Variants in ATP13A5 observed in about 807,000 individuals in gnomAD.
ATP13A5 encodes the protein probable cation-transporting ATPase 13A5.
A neutral mutation model predicts 150.2 loss-of-function variants in ATP13A5; 149 were observed. That is an observed-to-expected ratio of 0.99 (90% CI 0.87 to 1.14). ATP13A5 has a LOEUF of 1.14. ATP13A5 is among the 50% of genes most tolerant of loss of function. The pLI, the probability that ATP13A5 is intolerant of heterozygous loss-of-function variation, is 0.00. For synonymous variants in ATP13A5, 497 were observed against 522.2 expected (o/e 0.95, Z 0.66); for missense variants, 1,383 against 1,449.3 (o/e 0.95, Z 0.74).
chr3:193,314,612 C>T (rs1424421825), intron 18 of ATP13A5, among the ~76,000 whole-genome samples: 2 of 152,060 alleles, frequency 1.3e-5, no homozygotes, highest in African/African-American at 2.4e-5. Flanking sequence ...CATGCCTGGC[C>T]CTACTGCCCT....
chr3:193,305,075 A>G (rs1462491944), intron 23 of ATP13A5, among the ~76,000 whole-genome samples: 1 of 152,204 alleles, frequency 6.6e-6, no homozygotes, highest in Non-Finnish European at 1.5e-5. Flanking sequence ...CACAAAGCCA[A>G]ACCATATCAC....
chr3:193,312,285 C>T (rs1390008461), intron 19 of ATP13A5, among the ~76,000 whole-genome samples: 1 of 152,214 alleles, frequency 6.6e-6, no homozygotes, highest in Non-Finnish European at 1.5e-5. Flanking sequence ...TTCTCCTCCT[C>T]ATGCAACCTT....
chr3:193,276,136 A>G (rs952432421), intron 29 of ATP13A5, among the ~76,000 whole-genome samples: 3 of 152,174 alleles, frequency 2.0e-5, no homozygotes, highest in Non-Finnish European at 4.4e-5. Context: ...TGAGGTGTAT[A>G]TATATTTTAA....
At chr3:193,323,456 G>A (rs1476957062) in intron 14 of ATP13A5, 1 of 152,176 alleles carries the variant, frequency 6.6e-6, no homozygotes, top group East Asian at 1.9e-4. Context: ...ATTCTTAACA[G>A]ATGGTTCTTA....
At chr3:193,325,533 G>A (rs1464695931) in intron 13 of ATP13A5, among the ~76,000 whole-genome samples, 2 of 152,182 alleles carry the variant, frequency 1.3e-5, no homozygotes, top group East Asian at 1.9e-4. Flanking sequence ...TTGTGGGAAG[G>A]CACTGAACAG....
intron 21 of ATP13A5, among the ~76,000 whole-genome samples, chr3:193,309,710 G>C (rs1044614522): frequency 1.3e-5 from 2 of 152,122 alleles, no homozygotes; most frequent in African/African-American, 4.8e-5. Context: ...AATGGCCCCT[G>C]TCACAAGGAA....
In ATP13A5 at chr3:193,283,234, G is replaced by A. The variant is rs1381736474; in HGVS notation, c.3226+1680C>T. Among the ~76,000 whole-genome samples, 4 of 152,076 alleles carry A rather than the reference G, an allele frequency of 2.6e-5. No homozygotes were observed. The South Asian group carries it at 6.2e-4, about 24-fold the overall frequency. ...ACCGGTTGACTAGTTGGAGCAACTT[G>A]TTTTAATCCCTACCTCAAACTATAC... On this transcript the variant is annotated intron_variant, in intron 27 of 29. Coordinates refer to ENST00000342358, the MANE Select transcript of ATP13A5 (RefSeq NM_198505.4).
At chr3:193,351,760 G>A (rs1712571531) in intron 6 of ATP13A5, among the ~76,000 whole-genome samples, 1 of 152,162 alleles carries the variant, frequency 6.6e-6, no homozygotes, top group East Asian at 1.9e-4. Context: ...AGGAAGACTG[G>A]AGAGAAATGT....
chr3:193,336,830 T>A (rs1183776874), intron 9 of ATP13A5, among the ~76,000 whole-genome samples: 2 of 152,228 alleles, frequency 1.3e-5, no homozygotes, highest in Non-Finnish European at 2.9e-5. Context: ...CCACAATGGT[T>A]GAACTAGTTT....
chr3:193,352,981 T>G (rs1247225867), intron 6 of ATP13A5, among the ~76,000 whole-genome samples: 1 of 151,958 alleles, frequency 6.6e-6, no homozygotes, highest in East Asian at 1.9e-4. Context: ...AACGTGTCCC[T>G]TAGGTGGCTG....
At chr3:193,301,879 T>A (rs1263200929) in intron 23 of ATP13A5, among the ~76,000 whole-genome samples, 1 of 152,144 alleles carries the variant, frequency 6.6e-6, no homozygotes, top group Non-Finnish European at 1.5e-5. Flanking sequence ...GGTAATAATC[T>A]GAGTGGGCCA....
At chr3:193,318,377 C>A (rs912607076) in intron 17 of ATP13A5, among the ~76,000 whole-genome samples, 22 of 151,968 alleles carry the variant, frequency 1.4e-4, no homozygotes, top group African/African-American at 5.1e-4. Flanking sequence ...TTGAAAATAG[C>A]CTTTAAAAAC....
chr3:193,362,823 C>CTCTTTCTTTCTCTCTTTCTT (rs1713085752), intron 3 of ATP13A5, among the ~76,000 whole-genome samples, 186 bp from the exon 4 acceptor site: 2 of 75,566 alleles, frequency 2.6e-5, no homozygotes, highest in African/African-American at 8.8e-5. Flanking sequence ...CAGACAGGGT[C>CTCTTTCTTTCTCTCTTTCTT]TCACTCTGTC....
At chr3:193,299,106 T>C (rs1878716) in intron 25 of ATP13A5, 25 bp downstream of exon 25, 1,329,559 of 1,544,278 alleles carry the variant, frequency 0.86, 573,420 homozygotes, top group East Asian at 0.97. Context: ...AAAAACAATA[T>C]AGTTTTCTTT....
chr3:193,331,000 T>C (rs1711606550), intron 12 of ATP13A5, 123 bp downstream of exon 12: 1 of 984,052 alleles, frequency 1.0e-6, no homozygotes, highest in Non-Finnish European at 1.5e-6. Context: ...TCTGTGACCT[T>C]CTCTGGCCTC....
Position 193,322,580 on chromosome 3 carries a change from A to G in ATP13A5, c.1675-6T>C, listed in dbSNP as rs368640325. The G allele has an allele frequency of 6.3e-7, 1 of 1,589,282 alleles. No homozygotes were observed. Among genetic ancestry groups the G allele is most frequent in the Non-Finnish European group, 8.6e-7 (1 of 1,159,484 alleles). ...ACAATGCAATCTTCCATTTTCTGTT[A>G]TAAAATGAAAACATTCATAAGATTC... On this transcript the variant is annotated splice_region_variant and splice_polypyrimidine_tract_variant and intron_variant, in intron 14 of 29. Transcript: ENST00000342358.
At chr3:193,297,449 T>C (rs1718217615) in intron 25 of ATP13A5, among the ~76,000 whole-genome samples, 1 of 152,072 alleles carries the variant, frequency 6.6e-6, no homozygotes, top group Non-Finnish European at 1.5e-5. Flanking sequence ...AACAATAGGA[T>C]GTTTGCAGGT....
chr3:193,326,298 C>G (rs961499061), intron 13 of ATP13A5, among the ~76,000 whole-genome samples: 8 of 152,050 alleles, frequency 5.3e-5, no homozygotes, highest in African/African-American at 1.9e-4. Context: ...GATTCACCCT[C>G]CAGGGGCCCT....
chr3:193,315,866 T>TTGTG (rs1553814527), intron 17 of ATP13A5, among the ~76,000 whole-genome samples: 5 of 42,402 alleles, frequency 1.2e-4, no homozygotes, highest in African/African-American at 1.7e-4. Flanking sequence ...CTACCCTGTT[T>TTGTG]TATGTGTGTG....
Sources: allele counts gnomAD v4.1 joint callset (sites outside exome capture counted in the v4.1 genomes callset), GRCh38; gene constraint gnomAD v4.1.1; transcripts MANE v1.5; gene names NCBI Gene and HGNC (gene_info 2026-07-23, HGNC 2026-07-21).